CPNE1: variants seen among roughly 807,000 people sequenced by gnomAD.
CPNE1 encodes the protein copine-1.
CPNE1 carries 58 observed loss-of-function variants against 63.2 expected under a neutral mutation model. The ratio of observed to expected loss-of-function variants is 0.92; its 90% CI spans 0.74 to 1.14. The LOEUF (loss-of-function observed/expected upper bound fraction) is 1.14, where lower values mean the gene tolerates loss of function less well. CPNE1 is among the 50% of genes most tolerant of loss of function. The pLI is 0.00. For missense variants in CPNE1, 672 were observed against 661.7 expected, an observed-to-expected ratio of 1.02 and a Z score of -0.17; for synonymous variants, 237 against 249.0, an observed-to-expected ratio of 0.95 and a Z score of 0.45.
chr20:35,661,828 A>C (rs182976608), intron 1 of CPNE1, among the ~76,000 whole-genome samples: 15 of 152,352 alleles, frequency 9.8e-5, no homozygotes, highest in Non-Finnish European at 1.9e-4. Flanking sequence ...GTGAACTTTA[A>C]CTTTGTTCAG....
chr20:35,663,273 T>C (rs981002318), intron 1 of CPNE1, among the ~76,000 whole-genome samples: 5 of 152,220 alleles, frequency 3.3e-5, no homozygotes, highest in Admixed American at 3.3e-4. Context: ...AAAACAAGAT[T>C]TCCCTATGTG....
chr20:35,638,933 C>A (rs1403941846), intron 1 of CPNE1, among the ~76,000 whole-genome samples: 2 of 152,090 alleles, frequency 1.3e-5, no homozygotes, highest in African/African-American at 4.8e-5. Flanking sequence ...CCCTTCTCCC[C>A]CAGGGGAAGG....
intron 13 of CPNE1, 124 bp from the exon 14 acceptor site, chr20:35,627,537 G>T: frequency 1.1e-6 from 1 of 926,082 alleles, no homozygotes; most frequent in Non-Finnish European, 1.6e-6. Flanking sequence ...ATTCACCCTT[G>T]TAAACCAGGG....
intron 1 of CPNE1, chr20:35,653,960 T>C (rs1460294124): frequency 1.2e-6 from 2 of 1,614,170 alleles, no homozygotes; most frequent in East Asian, 2.2e-5. Context: ...TCTTCCACAA[T>C]ATCCAGCTTT....
At chr20:35,626,483 G>A in intron 15 of CPNE1, 84 bp downstream of exon 15, 1 of 1,590,634 alleles carries the variant, frequency 6.3e-7, no homozygotes, top group Non-Finnish European at 8.6e-7. Flanking sequence ...AGAGGAAAAG[G>A]TGAGCATCCC....
At chr20:35,639,734 T>C (rs2032697602) in intron 1 of CPNE1, among the ~76,000 whole-genome samples, 1 of 152,200 alleles carries the variant, frequency 6.6e-6, no homozygotes, top group African/African-American at 2.4e-5. Context: ...GTGGTAAGAT[T>C]ACAGGCCACA....
At chr20:35,640,569 CCTAT>C (rs1050000554) in intron 1 of CPNE1, among the ~76,000 whole-genome samples, 9 of 152,178 alleles carry the variant, frequency 5.9e-5, no homozygotes, top group Non-Finnish European at 1.3e-4. Flanking sequence ...TCAGTCCCCT[CCTAT>C]CTGTTATGTT....
rs770623095 is a variant in CPNE1 at position 35,626,559 on chromosome 20, C to T, written c.1473+8G>A. On this transcript the variant is annotated splice_region_variant and intron_variant, in intron 15 of 15. Coordinates refer to ENST00000397443, the MANE Select transcript of CPNE1 (RefSeq NM_152925.3). ...GTAAACTCCCAGATCAAATTTGCAC[C>T]TACTCACATTCTGGAACCGGCGGTA... 2.5e-6 allele frequency: 4 copies of T among 1,613,250 alleles called. No homozygotes were observed. The highest frequency in any genetic ancestry group is 1.7e-6 in the Non-Finnish European group (2 of 1,179,182).
chr20:35,654,483 C>T, intron 1 of CPNE1: 1 of 1,614,172 alleles, frequency 6.2e-7, no homozygotes, highest in South Asian at 1.1e-5. Context: ...TAACAGGATT[C>T]AACGGACCAA....
At chr20:35,630,384 G>A (rs6060522) in intron 13 of CPNE1, 55 bp downstream of exon 13, 1 of 1,452,394 alleles carries the variant, frequency 6.9e-7, no homozygotes, top group Non-Finnish European at 9.7e-7. Flanking sequence ...TACTCATGCA[G>A]GCTTGCCCCT....
intron 1 of CPNE1, among the ~76,000 whole-genome samples, chr20:35,647,621 T>C (rs1480572631): frequency 1.3e-5 from 2 of 151,990 alleles, no homozygotes; most frequent in African/African-American, 4.8e-5. Flanking sequence ...GAGCAGTATG[T>C]AGAGTAGCAA....
intron 1 of CPNE1, among the ~76,000 whole-genome samples, chr20:35,647,823 G>A (rs1199907051): frequency 2.0e-5 from 3 of 151,690 alleles, no homozygotes; most frequent in Non-Finnish European, 4.4e-5. Context: ...GGGAGGCCGA[G>A]GTGGGCGGAT....
intron 1 of CPNE1, chr20:35,652,622 T>C: frequency 1.2e-6 from 2 of 1,614,184 alleles, no homozygotes; most frequent in Non-Finnish European, 1.7e-6. Flanking sequence ...AAGGCCACCA[T>C]GGCTTCACCT....
At chr20:35,662,700 T>C (rs1235298893) in intron 1 of CPNE1, among the ~76,000 whole-genome samples, 2 of 152,220 alleles carry the variant, frequency 1.3e-5, no homozygotes, top group African/African-American at 4.8e-5. Flanking sequence ...ACACTGTCAC[T>C]GGATTCCAGC....
At chr20:35,652,307 G>A in intron 1 of CPNE1, 2 of 504,406 alleles carry the variant, frequency 4.0e-6, no homozygotes, top group South Asian at 6.3e-5. Context: ...AATCATTTAT[G>A]TGTTCTCTCC....
chr20:35,627,412 G>A lies in CPNE1; in HGVS notation c.1104C>T (p.Gly368=), dbSNP rs573166041. Residue 368 remains glycine, a splice_region_variant and synonymous_variant, in exon 14 of 16, where the codon GGC becomes GGT. Coordinates refer to ENST00000397443, the MANE Select transcript of CPNE1 (RefSeq NM_152925.3). ...NFNPSNPYCA[G]IQGIVDAYRQ... is the part of the protein sequence containing the mutation. ...GGTAGGCATCCACAATGCCCTGGAT[G>A]CCTGCAGAGGAGAGCAAGAAATACC... is the stretch of plus-strand genomic sequence containing the variant. 7 of 1,613,888 alleles carry A rather than the reference G, an allele frequency of 4.3e-6. No homozygotes were observed. In the African/African-American group the frequency reaches 8.0e-5, roughly 18 times the overall value.
intron 1 of CPNE1, chr20:35,655,203 C>T: frequency 1.9e-6 from 3 of 1,614,156 alleles, no homozygotes; most frequent in Non-Finnish European, 2.5e-6. Context: ...AAGCCTCACC[C>T]AGTTCACCCC....
At chr20:35,655,782 A>C (rs1341917958) in intron 1 of CPNE1, among the ~76,000 whole-genome samples, 1 of 152,224 alleles carries the variant, frequency 6.6e-6, no homozygotes, top group East Asian at 1.9e-4. Context: ...TATATACTTG[A>C]TAATTTCATA....
chr20:35,662,499 A>T (rs1163765745), intron 1 of CPNE1, among the ~76,000 whole-genome samples: 2 of 152,250 alleles, frequency 1.3e-5, no homozygotes, highest in Non-Finnish European at 2.9e-5. Flanking sequence ...TTTACTATTA[A>T]GCACTTGTGG....
Sources: gnomAD v4.1 joint callset for allele counts (sites outside exome capture counted in the v4.1 genomes callset) on GRCh38, gnomAD v4.1.1 for gene constraint, MANE v1.5 for transcripts, NCBI Gene and HGNC (gene_info 2026-07-23, HGNC 2026-07-21) for gene names.